The following HOOK3 variants were observed in gnomAD, a reference collection of about 807,000 sequenced individuals.
The protein encoded by HOOK3 is hook microtubule tethering protein 3.
A neutral mutation model predicts 116.3 loss-of-function variants in HOOK3; 24 were observed. The observed-to-expected ratio is 0.21, with a 90% confidence interval of 0.15 to 0.29. The LOEUF (loss-of-function observed/expected upper bound fraction) is 0.29, where lower values mean the gene tolerates loss of function less well. Among genes scored for constraint, HOOK3 ranks in the 10% least tolerant of loss-of-function variants. HOOK3 has a pLI of 1.00. For synonymous variants in HOOK3, 275 were observed against 283.0 expected (o/e 0.97, Z 0.28); for missense variants, 632 against 830.2 (o/e 0.76, Z 2.93).
At chr8:43,009,257 T>G (rs1450880648) in intron 18 of HOOK3, among the ~76,000 whole-genome samples, 1 of 151,770 alleles carries the variant, frequency 6.6e-6, no homozygotes, top group Non-Finnish European at 1.5e-5. Context: ...ATACAAAAAA[T>G]TAGCCGGGGG....
In HOOK3 at chr8:43,026,050, C is replaced by T. The variant is rs1006221591; in HGVS notation, c.*7552C>T. The T allele has an allele frequency of 1.8e-4, 37 of 208,906 alleles. No homozygotes were observed. The highest frequency in any genetic ancestry group is 2.9e-5 in the Non-Finnish European group (3 of 102,726). 12.9% of individuals were successfully genotyped at this position (208,906 alleles called of 1,614,324 possible). On this transcript the variant is annotated 3_prime_UTR_variant, in exon 22 of 22. Transcript: ENST00000307602. ...CTCCTACTTGAGAGAAAGAAGACTA[C>T]CAAAGCATGTTGAGGCTTTAACATG...
rs539307453 is a variant in HOOK3 at position 43,011,019 on chromosome 8, G to A, written c.1839+614G>A. On this transcript the variant is annotated intron_variant, in intron 19 of 21. Coordinates refer to ENST00000307602, the MANE Select transcript of HOOK3 (RefSeq NM_032410.4). The stretch of plus-strand genomic sequence containing the variant: ...ATTTTCTTTTTTTTTTTGAGATGGA[G>A]TCTCGCTCTGTCGCCCAGGCTGGAG... Among the ~76,000 whole-genome samples the A allele has an allele frequency of 2.4e-4, 36 of 151,652 alleles. No homozygotes were observed. The South Asian group carries it at 2.7e-3, about 11-fold the overall frequency.
chr8:43,005,224 T>TAA, intron 17 of HOOK3, among the ~76,000 whole-genome samples: 1 of 136,776 alleles, frequency 7.3e-6, no homozygotes, highest in Non-Finnish European at 1.6e-5. Context: ...ATTTTTTTTT[T>TAA]TTTTTTTTTT....
intron 16 of HOOK3, among the ~76,000 whole-genome samples, chr8:42,998,736 T>C (rs1254597202): frequency 1.3e-5 from 2 of 152,190 alleles, no homozygotes; most frequent in Non-Finnish European, 2.9e-5. Context: ...AATCAATGTG[T>C]TGGCAGTCCT....
In HOOK3 at chr8:43,027,238, C is replaced by G; in HGVS notation, c.*8740C>G. On this transcript the variant is annotated 3_prime_UTR_variant, in exon 22 of 22. Transcript: ENST00000307602. ...CATTCATATATAGCAAAGTTTTCAA[C>G]TTGTCTACCGAGAGACTTTCTTTAG... 1 of 258,308 alleles carries G rather than the reference C, an allele frequency of 3.9e-6. No homozygotes were observed. 16.0% of individuals were successfully genotyped at this position (258,308 alleles called of 1,614,324 possible).
chr8:42,974,544 A>T (rs1312777765), intron 13 of HOOK3, among the ~76,000 whole-genome samples: 2 of 152,150 alleles, frequency 1.3e-5, no homozygotes, highest in African/African-American at 4.8e-5. Context: ...CAGCCAGATG[A>T]TTTATTTCTA....
At chr8:42,918,188 A>C (rs564477414) in intron 2 of HOOK3, among the ~76,000 whole-genome samples, 2,149 of 152,246 alleles carry the variant, frequency 0.014, 54 homozygotes, top group African/African-American at 0.047. Context: ...AAATGCAAAA[A>C]TTAGCCTGGC....
intron 8 of HOOK3, among the ~76,000 whole-genome samples, chr8:42,960,044 C>T (rs938234973): frequency 6.6e-6 from 1 of 151,988 alleles, no homozygotes; most frequent in African/African-American, 2.4e-5. Context: ...TTTACAAAGT[C>T]GTAATGTAAG....
At chr8:42,979,735 T>C (rs1808898460) in intron 13 of HOOK3, among the ~76,000 whole-genome samples, 2 of 152,210 alleles carry the variant, frequency 1.3e-5, no homozygotes, top group South Asian at 4.1e-4. Flanking sequence ...TCCTTCGTTA[T>C]TCTCTTTACC....
intron 1 of HOOK3, among the ~76,000 whole-genome samples, chr8:42,901,954 C>T (rs566628070): frequency 3.3e-5 from 5 of 152,306 alleles, no homozygotes; most frequent in East Asian, 3.9e-4. Context: ...AAGATCCACC[C>T]GCCTCGGCTT....
chr8:42,939,310 C>T (rs1488049588), intron 4 of HOOK3, among the ~76,000 whole-genome samples: 2 of 151,976 alleles, frequency 1.3e-5, no homozygotes, highest in Non-Finnish European at 2.9e-5. Context: ...AGAGGCGCCC[C>T]TCACCTCCCG....
At chr8:42,969,231 A>G (rs1808685278) in intron 11 of HOOK3, among the ~76,000 whole-genome samples, 1 of 152,188 alleles carries the variant, frequency 6.6e-6, no homozygotes, top group South Asian at 2.1e-4. Flanking sequence ...TCTTCAATGT[A>G]GTTAGATATT....
chr8:42,981,243 G>T (rs192961471), intron 13 of HOOK3, among the ~76,000 whole-genome samples: 1 of 151,538 alleles, frequency 6.6e-6, no homozygotes, highest in African/African-American at 2.4e-5. Context: ...GGTGGAGATG[G>T]GGTTTCACCT....
chr8:42,931,752 T>C (rs1301601860), intron 4 of HOOK3, among the ~76,000 whole-genome samples: 1 of 150,354 alleles, frequency 6.7e-6, no homozygotes, highest in Admixed American at 6.7e-5. Context: ...TCTTCCCTCT[T>C]CCCATCCCGT....
chr8:42,899,466 T>A (rs73635330), intron 1 of HOOK3, among the ~76,000 whole-genome samples: 2,175 of 152,200 alleles, frequency 0.014, 51 homozygotes, highest in African/African-American at 0.051. Flanking sequence ...CAAAATAGAG[T>A]TTAAATGCTG....
chr8:42,915,192 G>A (rs1027786250), intron 2 of HOOK3, among the ~76,000 whole-genome samples: 3 of 152,022 alleles, frequency 2.0e-5, no homozygotes, highest in African/African-American at 7.2e-5. Flanking sequence ...TGGTCACCAG[G>A]TGATTTTCAC....
rs985969870 is a variant in HOOK3, at chr8:42,971,806, G to T, written c.1123-1483G>T. On this transcript the variant is annotated intron_variant, in intron 11 of 21. Coordinates refer to ENST00000307602, the MANE Select transcript of HOOK3 (RefSeq NM_032410.4). ...AGCAATTCTCCTGCCACAGTCTCCC[G>T]AGTAGCTGGGATTACAGGAGTGCAC... is the stretch of plus-strand genomic sequence containing the variant. Among the ~76,000 whole-genome samples, 2 of 151,974 alleles carry T rather than the reference G, an allele frequency of 1.3e-5. 1 individual carries two copies. The highest frequency in any genetic ancestry group is 6.8e-3 in the Middle Eastern group (2 of 294).
chr8:43,012,926 GT>G (rs764191305), intron 19 of HOOK3, 124 bp from the exon 20 acceptor site: 16 of 652,884 alleles, frequency 2.5e-5, no homozygotes, highest in Non-Finnish European at 3.8e-5. Context: ...AAATACCCTT[GT>G]AAGATAACCT....
intron 21 of HOOK3, among the ~76,000 whole-genome samples, chr8:43,015,308 AGC>A (rs199860048): frequency 0.015 from 2,317 of 152,166 alleles, 31 homozygotes; most frequent in Non-Finnish European, 0.022. Flanking sequence ...GGGTCACCTG[AGC>A]TCAGGAGTTG....
Sources: allele counts gnomAD v4.1 joint callset (sites outside exome capture counted in the v4.1 genomes callset), GRCh38; gene constraint gnomAD v4.1.1; transcripts MANE v1.5; gene names NCBI Gene and HGNC (gene_info 2026-07-23, HGNC 2026-07-21).